The following PARD3 variants were observed in gnomAD, a reference collection of about 807,000 sequenced individuals.
The protein encoded by PARD3 is par-3 family cell polarity regulator, also known as partitioning defective 3 homolog.
A neutral mutation model predicts 155.4 loss-of-function variants in PARD3; 75 were observed. The observed-to-expected ratio is 0.48, with a 90% CI of 0.40 to 0.58. The LOEUF is 0.58. PARD3 is among the 20% of genes least tolerant of loss of function. The probability of loss-of-function intolerance (pLI) is 0.00; values close to 1 mark genes in which losing one functional copy is unlikely to be tolerated. For missense variants in PARD3, 1,642 were observed against 1,721.7 expected, an observed-to-expected ratio of 0.95 and a Z score of 0.82; for synonymous variants, 576 against 610.5, an observed-to-expected ratio of 0.94 and a Z score of 0.83.
intron 2 of PARD3, among the ~76,000 whole-genome samples, chr10:34,589,251 G>T (rs1344753084): frequency 6.6e-6 from 1 of 152,132 alleles, no homozygotes; most frequent in African/African-American, 2.4e-5. Context: ...TTTATCAAGA[G>T]CTCCCCACAA....
chr10:34,319,004 C>G (rs1156483187), intron 19 of PARD3, among the ~76,000 whole-genome samples: 1 of 150,664 alleles, frequency 6.6e-6, no homozygotes, highest in Non-Finnish European at 1.5e-5. Flanking sequence ...TGGTCTTGAG[C>G]TCCTGACCTC....
intron 14 of PARD3, among the ~76,000 whole-genome samples, chr10:34,357,165 G>A (rs1266171266): frequency 2.0e-5 from 3 of 152,122 alleles, no homozygotes; most frequent in African/African-American, 7.2e-5. Context: ...CACTATTTGG[G>A]GGGAACAATA....
At chr10:34,610,274 G>A (rs144731964) in intron 2 of PARD3, among the ~76,000 whole-genome samples, 170 of 152,246 alleles carry the variant, frequency 1.1e-3, no homozygotes, top group African/African-American at 3.8e-3. Flanking sequence ...TCCAGGGAAC[G>A]TGAAAGTTGC....
chr10:34,551,287 C>A (rs570523588), intron 2 of PARD3, among the ~76,000 whole-genome samples: 1 of 152,292 alleles, frequency 6.6e-6, no homozygotes, highest in South Asian at 2.1e-4. Context: ...GCAAGCCCAG[C>A]CACCAGCATC....
chr10:34,774,344 T>G (rs901586488), intron 1 of PARD3, among the ~76,000 whole-genome samples: 3 of 152,192 alleles, frequency 2.0e-5, no homozygotes, highest in Non-Finnish European at 4.4e-5. Context: ...GACAAAATTA[T>G]CCTTGAAAAT....
chr10:34,411,919 CGTGTGTGTGTGTGTGTGTGT>C (rs61517279), intron 5 of PARD3, among the ~76,000 whole-genome samples: 30 of 141,070 alleles, frequency 2.1e-4, no homozygotes, highest in African/African-American at 3.4e-4. Flanking sequence ...ATAAGCTAGT[CGTGTGTGTGTGTGTGTGTGT>C]GTGTGTGTGT....
intron 20 of PARD3, among the ~76,000 whole-genome samples, chr10:34,314,183 G>A (rs879868089): frequency 1.2e-4 from 17 of 143,198 alleles, no homozygotes; most frequent in Middle Eastern, 7.2e-3. Flanking sequence ...AGTCCCCTAT[G>A]TTGTTAGGAG....
intron 2 of PARD3, among the ~76,000 whole-genome samples, chr10:34,572,079 A>T (rs1157504984): frequency 6.6e-6 from 1 of 152,248 alleles, no homozygotes; most frequent in Admixed American, 6.5e-5. Flanking sequence ...TAGATCAAGC[A>T]ACTATTAACT....
intron 20 of PARD3, among the ~76,000 whole-genome samples, chr10:34,306,618 C>T (rs531824771): frequency 3.9e-5 from 6 of 152,270 alleles, no homozygotes; most frequent in Non-Finnish European, 7.4e-5. Flanking sequence ...CGTCGCACTC[C>T]AGCCTGGGCA....
At chr10:34,273,581 C>T (rs1296423951) in intron 21 of PARD3, among the ~76,000 whole-genome samples, 1 of 152,178 alleles carries the variant, frequency 6.6e-6, no homozygotes, top group Non-Finnish European at 1.5e-5. Flanking sequence ...ACTACACACA[C>T]CCTATACCAA....
At chr10:34,306,247 C>T (rs952891479) in intron 20 of PARD3, among the ~76,000 whole-genome samples, 1 of 149,406 alleles carries the variant, frequency 6.7e-6, no homozygotes, top group Non-Finnish European at 1.5e-5. Context: ...CGCCAGTGCA[C>T]TCCAGCCTGG....
At chr10:34,630,163 T>C (rs974424944) in intron 2 of PARD3, among the ~76,000 whole-genome samples, 3 of 152,298 alleles carry the variant, frequency 2.0e-5, no homozygotes, top group East Asian at 1.9e-4. Context: ...ACGTAAAGCA[T>C]TTCAACTCCT....
At chr10:34,251,607 C>G (rs1954311476) in intron 22 of PARD3, among the ~76,000 whole-genome samples, 1 of 152,172 alleles carries the variant, frequency 6.6e-6, no homozygotes, top group African/African-American at 2.4e-5. Context: ...CTTACCTTAT[C>G]ATCTTATGGT....
In PARD3 at chr10:34,267,592, T is replaced by C. The variant is rs141427488; in HGVS notation, c.3419+2065A>G. Among the ~76,000 whole-genome samples, 276 of 152,334 alleles carry C rather than the reference T, an allele frequency of 1.8e-3. 1 individual carries two copies. Among genetic ancestry groups the C allele is most frequent in the African/African-American group, 6.2e-3 (259 of 41,582 alleles). ...GCTTCACATTTGCTATTTTTAAAAA[T>C]ACTTCTTCCTGGGTTTGCCTAAGAG... On this transcript the variant is annotated intron_variant, in intron 22 of 24. Transcript: ENST00000374788.
chr10:34,185,040 T>G (rs1217315381), intron 22 of PARD3, among the ~76,000 whole-genome samples: 2 of 152,204 alleles, frequency 1.3e-5, no homozygotes, highest in Non-Finnish European at 2.9e-5. Flanking sequence ...CTATTCTGTT[T>G]AAACAAATGC....
intron 2 of PARD3, among the ~76,000 whole-genome samples, chr10:34,672,185 T>A (rs376678152): frequency 6.6e-6 from 1 of 152,064 alleles, no homozygotes. Flanking sequence ...AAGAATAACC[T>A]CTCTCCCTTT....
chr10:34,683,785 C>T (rs1184979574), intron 2 of PARD3, among the ~76,000 whole-genome samples: 1 of 152,058 alleles, frequency 6.6e-6, no homozygotes, highest in South Asian at 2.1e-4. Flanking sequence ...GGAGGCCTGG[C>T]CCCCTCCGAA....
intron 2 of PARD3, among the ~76,000 whole-genome samples, chr10:34,661,388 A>G (rs1174987220): frequency 6.6e-6 from 1 of 152,224 alleles, no homozygotes; most frequent in Non-Finnish European, 1.5e-5. Flanking sequence ...ACATTTATAC[A>G]GTGCAAATGT....
intron 3 of PARD3, among the ~76,000 whole-genome samples, chr10:34,478,370 C>A (rs1315617338): frequency 6.6e-6 from 1 of 152,050 alleles, no homozygotes; most frequent in African/African-American, 2.4e-5. Context: ...ACATTGCTAT[C>A]CAGACAAAAA....
Sources: gnomAD v4.1 joint callset for allele counts (sites outside exome capture counted in the v4.1 genomes callset) on GRCh38, gnomAD v4.1.1 for gene constraint, MANE v1.5 for transcripts, NCBI Gene and HGNC (gene_info 2026-07-23, HGNC 2026-07-21) for gene names.